Variants in CASQ2 observed in about 807,000 individuals in gnomAD.
CASQ2 encodes the protein calsequestrin 2.
CASQ2 carries 49 observed loss-of-function variants against 46.5 expected under a neutral mutation model. The observed-to-expected ratio is 1.05, with a 90% CI of 0.84 to 1.34. The LOEUF (loss-of-function observed/expected upper bound fraction) is 1.34. Ranked by LOEUF, CASQ2 falls within the 40% of genes most tolerant of loss-of-function variation. The probability of loss-of-function intolerance (pLI) is 0.00; values close to 1 mark genes in which losing one functional copy is unlikely to be tolerated. For synonymous variants in CASQ2, 174 were observed against 168.5 expected (o/e 1.03, Z -0.25); for missense variants, 486 against 481.3 (o/e 1.01, Z -0.09).
intron 9 of CASQ2, among the ~76,000 whole-genome samples, chr1:115,704,859 C>G (rs1375781561): frequency 6.6e-6 from 1 of 152,196 alleles, no homozygotes; most frequent in Non-Finnish European, 1.5e-5. Flanking sequence ...GGTCCCCACC[C>G]AGAAAATAAA....
At chr1:115,758,773 T>G (rs1363619324) in intron 1 of CASQ2, among the ~76,000 whole-genome samples, 2 of 152,182 alleles carry the variant, frequency 1.3e-5, no homozygotes, top group Non-Finnish European at 2.9e-5. Context: ...CATCAGCTCC[T>G]TTTCACCTTC....
At chr1:115,719,078 C>A (rs113576619) in intron 7 of CASQ2, among the ~76,000 whole-genome samples, 2 of 152,088 alleles carry the variant, frequency 1.3e-5, no homozygotes, top group Non-Finnish European at 2.9e-5. Flanking sequence ...TTAATGCTGG[C>A]GCAATCCTAT....
chr1:115,741,446 C>T (rs941887472), intron 2 of CASQ2, among the ~76,000 whole-genome samples: 2 of 152,242 alleles, frequency 1.3e-5, no homozygotes, highest in Non-Finnish European at 2.9e-5. Context: ...AGAAAGGTCA[C>T]TTCAATCTCA....
chr1:115,712,868 AG>A (rs68079408), intron 8 of CASQ2, among the ~76,000 whole-genome samples: 59,598 of 136,894 alleles, frequency 0.44, 13,104 homozygotes, highest in East Asian at 0.58. Flanking sequence ...AAAAAAAAAA[AG>A]AAAGAAAGAA....
intron 6 of CASQ2, among the ~76,000 whole-genome samples, chr1:115,726,750 C>T (rs1647605547): frequency 6.6e-6 from 1 of 152,180 alleles, no homozygotes; most frequent in Non-Finnish European, 1.5e-5. Context: ...CTTGCCCTGG[C>T]TTTGAGGGGA....
chr1:115,717,912 CAA>C lies in CASQ2; in HGVS notation c.784-20_784-19del. 1 of 1,558,862 alleles carries C rather than the reference CAA, an allele frequency of 6.4e-7. No homozygotes were observed. Among genetic ancestry groups the C allele is most frequent in the African/African-American group, 1.4e-5 (1 of 73,746 alleles). On this transcript the variant is annotated intron_variant, in intron 7 of 10. Coordinates refer to ENST00000261448, the MANE Select transcript of CASQ2 (RefSeq NM_001232.4). ...TCATCTTCCTGTATGAGAAAAGTAA[CAA>C]AAGTTACACTTCCAGCTGGAGGGAT...
chr1:115,744,878 C>A lies in CASQ2; in HGVS notation c.269G>T (p.Gly90Val). 6.2e-7 allele frequency: 1 copy of A among 1,613,804 alleles called. No homozygotes were observed. Among genetic ancestry groups the A allele is most frequent in the Non-Finnish European group, 8.5e-7 (1 of 1,179,866 alleles). Reference protein sequence around the residue: ...VAQVLEHKAIGFVMVDAKKEA... With the variant: ...VAQVLEHKAIVFVMVDAKKEA... ...TTTCTTGGCATCCACCATCACAAAG[C>A]CTATAGCTTTATGTTCAAGGACCTG... The change falls in exon 2 of 11, where the codon GGC becomes GTC. Residue 90 changes from glycine (G) to valine (V), a missense_variant. Transcript: ENST00000261448.
chr1:115,700,394 C>T lies in CASQ2; in HGVS notation c.*847G>A, dbSNP rs1196697394. On this transcript the variant is annotated 3_prime_UTR_variant, in exon 11 of 11. Transcript: ENST00000261448. The stretch of plus-strand genomic sequence containing the variant: ...CTACAGAGAAGGGGTATTCAGATCC[C>T]AGCTTAGGCTAGGAAGCCAGCTGAC... The T allele has an allele frequency of 6.6e-6, 1 of 152,534 alleles. No individual in the cohort carries two copies. The highest frequency in any genetic ancestry group is 1.5e-5 in the Non-Finnish European group (1 of 68,114). 9.4% of individuals were successfully genotyped at this position (152,534 alleles called of 1,614,324 possible).
At chr1:115,746,881 G>T (rs569636850) in intron 1 of CASQ2, among the ~76,000 whole-genome samples, 1 of 152,246 alleles carries the variant, frequency 6.6e-6, no homozygotes, top group South Asian at 2.1e-4. Flanking sequence ...AGGGTAATTA[G>T]CATACCTGTC....
intron 4 of CASQ2, among the ~76,000 whole-genome samples, chr1:115,733,217 A>C (rs1204080945): frequency 1.3e-5 from 2 of 152,200 alleles, no homozygotes; most frequent in Admixed American, 1.3e-4. Context: ...TATGAACTGC[A>C]GGTAGAAAGC....
At position 115,727,124 on chromosome 1, in the gene CASQ2, T is replaced by G; in HGVS notation, c.607-2A>C. ...CTTCAAAGATAATTTCTTTGCAACCTGTAACCATTAGAAATAAGACAAAGT... is the reference window on the plus strand; with the variant it reads ...CTTCAAAGATAATTTCTTTGCAACCGGTAACCATTAGAAATAAGACAAAGT... On this transcript the variant is annotated splice_acceptor_variant, in intron 5 of 10. Transcript: ENST00000261448. LOFTEE classifies it high-confidence loss of function. 1 of 1,608,814 alleles carries G rather than the reference T, an allele frequency of 6.2e-7. No homozygotes were observed. Among genetic ancestry groups the G allele is most frequent in the African/African-American group, 1.3e-5 (1 of 74,930 alleles).
chr1:115,750,812 A>G (rs1160164702), intron 1 of CASQ2, among the ~76,000 whole-genome samples: 1 of 149,486 alleles, frequency 6.7e-6, no homozygotes, highest in East Asian at 2.0e-4. Context: ...CAGCCTAAAA[A>G]TTCTATTTAA....
At chr1:115,702,337 T>C (rs1654230367) in intron 10 of CASQ2, among the ~76,000 whole-genome samples, 1 of 152,230 alleles carries the variant, frequency 6.6e-6, no homozygotes, top group South Asian at 2.1e-4. Context: ...TTGAGTTTTA[T>C]GATGGTGGAG....
intron 8 of CASQ2, among the ~76,000 whole-genome samples, chr1:115,717,268 A>G (rs1441036717): frequency 6.6e-6 from 1 of 152,200 alleles, no homozygotes; most frequent in East Asian, 1.9e-4. Flanking sequence ...GGACTAATAC[A>G]ATAAGATTTC....
intron 3 of CASQ2, among the ~76,000 whole-genome samples, chr1:115,738,627 G>C (rs1482973864): frequency 1.3e-5 from 2 of 152,074 alleles, no homozygotes; most frequent in African/African-American, 4.8e-5. Flanking sequence ...GTATTTATTG[G>C]ATGTAAAGTG....
chr1:115,712,295 G>A (rs1246818405), intron 8 of CASQ2, among the ~76,000 whole-genome samples: 4 of 152,150 alleles, frequency 2.6e-5, no homozygotes, highest in Non-Finnish European at 5.9e-5. Flanking sequence ...ATGTGAATAC[G>A]CTACCACTCC....
chr1:115,753,085 C>T (rs1648637445), intron 1 of CASQ2, among the ~76,000 whole-genome samples: 1 of 152,308 alleles, frequency 6.6e-6, no homozygotes, highest in Middle Eastern at 3.4e-3. Flanking sequence ...GGCAGGAGGG[C>T]ATGACAGAAC....
chr1:115,723,067 A>G (rs977324867), intron 7 of CASQ2, among the ~76,000 whole-genome samples: 3 of 152,042 alleles, frequency 2.0e-5, no homozygotes, highest in Non-Finnish European at 4.4e-5. Flanking sequence ...AATAATAATA[A>G]AAGAAAAAGA....
chr1:115,761,801 A>C, intron 1 of CASQ2, among the ~76,000 whole-genome samples: 1 of 151,994 alleles, frequency 6.6e-6, no homozygotes, highest in East Asian at 1.9e-4. Flanking sequence ...AGATGATGAA[A>C]CCAGCATCCC....
Sources: allele counts gnomAD v4.1 joint callset (sites outside exome capture counted in the v4.1 genomes callset), GRCh38; gene constraint gnomAD v4.1.1; transcripts MANE v1.5; gene names NCBI Gene and HGNC (gene_info 2026-07-23, HGNC 2026-07-21).